KAZN: variants seen among roughly 807,000 people sequenced by gnomAD.
KAZN encodes the protein kazrin.
A neutral mutation model predicts 87.4 loss-of-function variants in KAZN; 40 were observed. The ratio of observed to expected loss-of-function variants is 0.46; its 90% CI spans 0.36 to 0.60. KAZN has a LOEUF of 0.60. Among genes scored for constraint, KAZN ranks in the 20% least tolerant of loss-of-function variants. The probability of loss-of-function intolerance (pLI) is 0.00; values close to 1 mark genes in which losing one functional copy is unlikely to be tolerated. For synonymous variants in KAZN, 466 were observed against 458.3 expected, an observed-to-expected ratio of 1.02 and a Z score of -0.22; for missense variants, 898 against 1,073.9, an observed-to-expected ratio of 0.84 and a Z score of 2.29.
chr1:15,019,425 G>C (rs987754247), intron 2 of KAZN, among the ~76,000 whole-genome samples: 1 of 152,166 alleles, frequency 6.6e-6, no homozygotes, highest in Non-Finnish European at 1.5e-5. Context: ...GTCTTGCTCT[G>C]TCACCCAGGC....
At chr1:14,055,498 G>A (rs945340145) in intron 1 of KAZN, among the ~76,000 whole-genome samples, 1 of 152,182 alleles carries the variant, frequency 6.6e-6, no homozygotes, top group Admixed American at 6.5e-5. Flanking sequence ...GATTGCCCAA[G>A]CCAGAAATCT....
chr1:14,648,138 G>A lies in KAZN; in HGVS notation c.226+48915G>A, dbSNP rs139976210. 3.1e-3 allele frequency among the ~76,000 whole-genome samples: 468 copies of A among 152,328 alleles called. 2 individuals are homozygous for A. Among genetic ancestry groups the A allele is most frequent in the Middle Eastern group, 0.031 (9 of 294 alleles). ...AAAAAGCCCAAGTAAAGAAAGCAGG[G>A]TAGGAAGGTTGTCTGGACAGAATGA... On this transcript the variant is annotated intron_variant, in intron 1 of 14. Coordinates refer to ENST00000376030, the MANE Select transcript of KAZN (RefSeq NM_201628.3).
At chr1:14,899,974 G>A (rs781638334) in intron 1 of KAZN, among the ~76,000 whole-genome samples, 3 of 152,084 alleles carry the variant, frequency 2.0e-5, no homozygotes, top group Admixed American at 6.5e-5. Context: ...AATGTCTGTC[G>A]TCCCGCATTC....
rs74487231 is a variant in KAZN at position 13,988,519 on chromosome 1, A to G, written c.91+94763A>G. 7.2e-3 allele frequency among the ~76,000 whole-genome samples: 1,093 copies of G among 152,282 alleles called. 8 individuals are homozygous for G. The highest frequency in any genetic ancestry group is 8.2e-3 in the Non-Finnish European group (560 of 68,022). ...CCTCCCTTGTCTGGCAGTTAACAAGAAAAGACAGCGCATGGGGTGTCATCT... is the reference window on the plus strand; with the variant it reads ...CCTCCCTTGTCTGGCAGTTAACAAGGAAAGACAGCGCATGGGGTGTCATCT... On this transcript the variant is annotated intron_variant, in intron 1 of 16. Coordinates refer to the KAZN transcript ENST00000636203.
chr1:14,495,339 C>G (rs545406489), intron 2 of KAZN, among the ~76,000 whole-genome samples: 2 of 152,262 alleles, frequency 1.3e-5, no homozygotes, highest in African/African-American at 4.8e-5. Flanking sequence ...TCCTTTCAAC[C>G]TGAAAAGCCC....
chr1:14,834,994 T>C (rs1164144112), intron 1 of KAZN, among the ~76,000 whole-genome samples: 1 of 152,238 alleles, frequency 6.6e-6, no homozygotes, highest in Non-Finnish European at 1.5e-5. Context: ...GGTTCCCTAA[T>C]GGTTTTATGT....
chr1:14,501,552 A>C (rs1478957935), intron 2 of KAZN, among the ~76,000 whole-genome samples: 1 of 152,244 alleles, frequency 6.6e-6, no homozygotes, highest in Non-Finnish European at 1.5e-5. Flanking sequence ...GATTGGAATC[A>C]AAAAGAACAA....
intron 2 of KAZN, among the ~76,000 whole-genome samples, chr1:14,499,545 C>T (rs140414182): frequency 1.8e-4 from 27 of 152,276 alleles, no homozygotes; most frequent in African/African-American, 6.5e-4. Context: ...GGTGCATTGT[C>T]TCATTATCGA....
chr1:13,906,543 C>T lies in KAZN; in HGVS notation c.91+12787C>T, dbSNP rs539633950. 1.4e-4 allele frequency among the ~76,000 whole-genome samples: 21 copies of T among 152,322 alleles called. No individual in the cohort carries two copies. In the South Asian group the frequency reaches 4.3e-3, roughly 32 times the overall value. On this transcript the variant is annotated intron_variant, in intron 1 of 16. Coordinates refer to the KAZN transcript ENST00000636203. ...TGGACCGGCCCAGGTTTCCAGTCTG[C>T]CTCTTCCCGTTCTTCTGGCCTAACT...
chr1:14,587,494 T>C (rs931478755), intron 2 of KAZN, among the ~76,000 whole-genome samples: 2 of 150,694 alleles, frequency 1.3e-5, no homozygotes, highest in Non-Finnish European at 2.9e-5. Context: ...TTGCAGGCTG[T>C]ACAGGAAGTG....
intron 1 of KAZN, among the ~76,000 whole-genome samples, chr1:14,034,384 A>C (rs1487811907): frequency 6.6e-6 from 1 of 152,168 alleles, no homozygotes; most frequent in Non-Finnish European, 1.5e-5. Context: ...GCCAGGGCAG[A>C]ATTGGTTAAT....
At chr1:14,020,059 ATCATCAGGCATTAGATTC>A (rs1209580407) in intron 1 of KAZN, among the ~76,000 whole-genome samples, 1 of 151,754 alleles carries the variant, frequency 6.6e-6, no homozygotes, top group East Asian at 1.9e-4. Context: ...ACAGTGACAG[ATCATCAGGCATTAGATTC>A]TCATCAGGAG....
chr1:14,296,734 T>C (rs1283619390), intron 2 of KAZN, among the ~76,000 whole-genome samples: 2 of 150,970 alleles, frequency 1.3e-5, no homozygotes, highest in Non-Finnish European at 2.9e-5. Context: ...CTCCTGGGTT[T>C]AAGCAATTCT....
At chr1:13,983,060 T>G (rs1424407996) in intron 1 of KAZN, among the ~76,000 whole-genome samples, 1 of 152,224 alleles carries the variant, frequency 6.6e-6, no homozygotes, top group Non-Finnish European at 1.5e-5. Context: ...ACATAAAGGT[T>G]CTCCAAGGCC....
intron 1 of KAZN, among the ~76,000 whole-genome samples, chr1:14,940,881 G>A (rs1362895834): frequency 7.2e-6 from 1 of 139,646 alleles, no homozygotes; most frequent in Non-Finnish European, 1.5e-5. Flanking sequence ...TGACCAGACA[G>A]ATGTCATTCT....
At chr1:14,433,478 A>G (rs1666201553) in intron 2 of KAZN, among the ~76,000 whole-genome samples, 1 of 152,138 alleles carries the variant, frequency 6.6e-6, no homozygotes. Flanking sequence ...GTGTGATGGT[A>G]TTAGGAGATG....
chr1:14,616,876 G>A (rs1678287413), intron 1 of KAZN, among the ~76,000 whole-genome samples: 1 of 152,194 alleles, frequency 6.6e-6, no homozygotes, highest in Admixed American at 6.5e-5. Context: ...TAATACAGTG[G>A]TGGGTGTCCA....
intron 2 of KAZN, among the ~76,000 whole-genome samples, chr1:14,386,401 C>G (rs1320914722): frequency 1.3e-5 from 2 of 151,442 alleles, no homozygotes; most frequent in Admixed American, 6.6e-5. Context: ...GCAGTTTCTT[C>G]CTAGTCTCAA....
At chr1:14,368,699 T>G (rs1660213036) in intron 2 of KAZN, among the ~76,000 whole-genome samples, 1 of 152,204 alleles carries the variant, frequency 6.6e-6, no homozygotes, top group Non-Finnish European at 1.5e-5. Context: ...TGGCCTGGAC[T>G]ACGACCATGC....
Sources: gnomAD v4.1 joint callset for allele counts (sites outside exome capture counted in the v4.1 genomes callset) on GRCh38, gnomAD v4.1.1 for gene constraint, MANE v1.5 for transcripts, NCBI Gene and HGNC (gene_info 2026-07-23, HGNC 2026-07-21) for gene names.